The following NAALADL2 variants were observed in gnomAD, a reference collection of about 807,000 sequenced individuals.
NAALADL2 encodes N-acetylated alpha-linked acidic dipeptidase like 2, also known as inactive N-acetylated-alpha-linked acidic dipeptidase-like protein 2.
Under a neutral mutation model 87.2 loss-of-function variants are expected in NAALADL2, and 76 were observed. The ratio of observed to expected loss-of-function variants is 0.87; its 90% confidence interval spans 0.72 to 1.05. NAALADL2 has a LOEUF of 1.05. Among genes scored for constraint, NAALADL2 ranks in the 50% least tolerant of loss-of-function variants. The pLI is 0.00. For missense variants in NAALADL2, 1,089 were observed against 945.8 expected (o/e 1.15, Z -1.99); for synonymous variants, 354 against 331.0 (o/e 1.07, Z -0.75).
intron 10 of NAALADL2, among the ~76,000 whole-genome samples, chr3:175,605,326 A>G (rs1007008054): frequency 6.6e-6 from 1 of 152,022 alleles, no homozygotes; most frequent in South Asian, 2.1e-4. Flanking sequence ...AAATCTACAT[A>G]TGTTTTCTAA....
chr3:174,474,534 G>A (rs577245126), intron 1 of NAALADL2, among the ~76,000 whole-genome samples: 1 of 152,196 alleles, frequency 6.6e-6, no homozygotes, highest in African/African-American at 2.4e-5. Flanking sequence ...GGAGTTACTT[G>A]AAAATCAGTA....
chr3:175,394,908 G>A (rs1159066803), intron 5 of NAALADL2, among the ~76,000 whole-genome samples: 2 of 151,866 alleles, frequency 1.3e-5, no homozygotes, highest in Non-Finnish European at 2.9e-5. Flanking sequence ...TCTTACCTCC[G>A]ATTTTAGCAA....
At chr3:175,246,746 A>G (rs766530584) in intron 3 of NAALADL2, among the ~76,000 whole-genome samples, 4 of 152,104 alleles carry the variant, frequency 2.6e-5, no homozygotes, top group African/African-American at 7.2e-5. Context: ...CCATTCCTAT[A>G]TAGATAGGAA....
At chr3:174,898,740 C>A (rs527320328) in intron 1 of NAALADL2, among the ~76,000 whole-genome samples, 2 of 152,192 alleles carry the variant, frequency 1.3e-5, no homozygotes, top group South Asian at 2.1e-4. Flanking sequence ...TATATAATTT[C>A]ATTTATGTGA....
chr3:175,758,119 G>A (rs964996977), intron 13 of NAALADL2, among the ~76,000 whole-genome samples: 1 of 151,946 alleles, frequency 6.6e-6, no homozygotes, highest in African/African-American at 2.4e-5. Context: ...TGCATTTTGA[G>A]TAGAAAAGTA....
At chr3:175,710,415 T>C (rs1190038636) in intron 11 of NAALADL2, among the ~76,000 whole-genome samples, 1 of 151,994 alleles carries the variant, frequency 6.6e-6, no homozygotes, top group African/African-American at 2.4e-5. Context: ...AAAGGCCAGA[T>C]AGACATTAAT....
chr3:175,591,048 G>T (rs1417695197), intron 10 of NAALADL2, among the ~76,000 whole-genome samples: 3 of 152,148 alleles, frequency 2.0e-5, no homozygotes, highest in African/African-American at 7.2e-5. Context: ...GAGAAAAATA[G>T]ACTCATACGG....
At chr3:174,646,898 A>G (rs1723846849) in intron 2 of NAALADL2, among the ~76,000 whole-genome samples, 1 of 152,142 alleles carries the variant, frequency 6.6e-6, no homozygotes, top group South Asian at 2.1e-4. Flanking sequence ...TGTATTGGAC[A>G]AAAATAGCCC....
intron 3 of NAALADL2, among the ~76,000 whole-genome samples, chr3:174,821,728 C>G (rs16864832): frequency 0.1 from 15,850 of 152,108 alleles, 966 homozygotes; most frequent in Middle Eastern, 0.15. Flanking sequence ...TGTGTTCAAT[C>G]CTGGGCAGGG....
chr3:174,593,628 C>T (rs1247133721), intron 2 of NAALADL2, among the ~76,000 whole-genome samples: 2 of 152,096 alleles, frequency 1.3e-5, no homozygotes, highest in Non-Finnish European at 2.9e-5. Flanking sequence ...GTTAAAATGA[C>T]CACATACTTT....
intron 3 of NAALADL2, among the ~76,000 whole-genome samples, chr3:174,753,884 G>A (rs1338501242): frequency 6.6e-6 from 1 of 152,164 alleles, no homozygotes; most frequent in Non-Finnish European, 1.5e-5. Flanking sequence ...AATGGGATTA[G>A]TGTCCTTGTC....
At chr3:174,565,800 A>G (rs1314948208) in intron 2 of NAALADL2, among the ~76,000 whole-genome samples, 1 of 151,964 alleles carries the variant, frequency 6.6e-6, no homozygotes, top group Non-Finnish European at 1.5e-5. Context: ...CAATGAGTGA[A>G]AGTTTCTGTT....
rs58763135 is a variant in NAALADL2, at chr3:174,986,264, A to AAT, written c.44-110514_44-110513dup. Among the ~76,000 whole-genome samples the AAT allele has an allele frequency of 2.0e-4, 30 of 147,320 alleles. No individual in the cohort carries two copies. The East Asian group carries it at 3.6e-3, about 17-fold the overall frequency. On this transcript the variant is annotated intron_variant, in intron 1 of 13. Coordinates refer to ENST00000454872, the MANE Select transcript of NAALADL2 (RefSeq NM_207015.3). ...ATATATATATTCAATATATATACAC[A>AAT]ATATATATATATAAAATATATACAC...
rs61495477 is a variant in NAALADL2 at position 175,229,658 on chromosome 3, AAGACCCC to A, written c.546-4271_546-4265del. 3.1e-3 allele frequency among the ~76,000 whole-genome samples: 468 copies of A among 152,058 alleles called. 3 individuals carry two copies. Among genetic ancestry groups the A allele is most frequent in the African/African-American group, 0.01 (416 of 41,532 alleles). On this transcript the variant is annotated intron_variant, in intron 2 of 13. Coordinates refer to ENST00000454872, the MANE Select transcript of NAALADL2 (RefSeq NM_207015.3). ...GATAATATAATATAATCACCTCCCA[AAGACCCC>A]AACACTTAATACTATCACCTTGGGG...
chr3:175,660,048 C>T (rs146296252), intron 11 of NAALADL2, among the ~76,000 whole-genome samples: 38 of 152,132 alleles, frequency 2.5e-4, no homozygotes, highest in South Asian at 1.2e-3. Context: ...ATTTGATCAC[C>T]GTGGGCTTCA....
chr3:174,969,620 ACAG>A (rs1239845497), intron 1 of NAALADL2, among the ~76,000 whole-genome samples: 1 of 152,192 alleles, frequency 6.6e-6, no homozygotes, highest in Non-Finnish European at 1.5e-5. Context: ...CAGAATAAAT[ACAG>A]CTTTGAGATA....
In NAALADL2 at chr3:175,598,198, C is replaced by G. The variant is rs746164215; in HGVS notation, c.1800+22011C>G. Among the ~76,000 whole-genome samples the G allele has an allele frequency of 2.0e-5, 3 of 151,940 alleles. 1 individual carries two copies. The East Asian group carries it at 5.8e-4, about 29-fold the overall frequency. On this transcript the variant is annotated intron_variant, in intron 10 of 13. Transcript: ENST00000454872. Reference sequence around the variant, plus strand: ...TGAATGACTTTGGACTTCAATTTATCTAATTCTGCTATGTGACCCCATAGG... The same window carrying G: ...TGAATGACTTTGGACTTCAATTTATGTAATTCTGCTATGTGACCCCATAGG...
At chr3:175,339,815 A>G (rs1271862109) in intron 5 of NAALADL2, among the ~76,000 whole-genome samples, 1 of 151,872 alleles carries the variant, frequency 6.6e-6, no homozygotes, top group African/African-American at 2.4e-5. Context: ...CAGAGATAAA[A>G]GAAGTAAAAT....
intron 3 of NAALADL2, among the ~76,000 whole-genome samples, chr3:174,773,933 A>G (rs1268860039): frequency 1.3e-5 from 2 of 152,070 alleles, no homozygotes; most frequent in African/African-American, 4.8e-5. Context: ...TGTAAATTTG[A>G]AATTCTTTCT....
Sources: allele counts gnomAD v4.1 joint callset (sites outside exome capture counted in the v4.1 genomes callset), GRCh38; gene constraint gnomAD v4.1.1; transcripts MANE v1.5; gene names NCBI Gene and HGNC (gene_info 2026-07-23, HGNC 2026-07-21).